Variants in TRIM2 observed in about 807,000 individuals in gnomAD.
TRIM2 encodes tripartite motif containing 2, also known as tripartite motif-containing protein 2.
Under a neutral mutation model 75.2 loss-of-function variants are expected in TRIM2, and 20 were observed. The observed-to-expected ratio is 0.27, with a 90% CI of 0.19 to 0.39. The LOEUF (loss-of-function observed/expected upper bound fraction) is 0.39, where lower values mean the gene tolerates loss of function less well. Among genes scored for constraint, TRIM2 ranks in the 10% least tolerant of loss-of-function variants. The probability of loss-of-function intolerance (pLI) is 1.00; values close to 1 mark genes in which losing one functional copy is unlikely to be tolerated. For synonymous variants in TRIM2, 373 were observed against 388.3 expected, an observed-to-expected ratio of 0.96 and a Z score of 0.46; for missense variants, 660 against 990.8, an observed-to-expected ratio of 0.67 and a Z score of 4.48.
chr4:153,208,305 T>G (rs191854064), intron 1 of TRIM2, among the ~76,000 whole-genome samples: 47 of 152,104 alleles, frequency 3.1e-4, no homozygotes, highest in African/African-American at 1.1e-3. Flanking sequence ...GAAAGTACAC[T>G]TTTTATTTTC....
rs1315337522 is a variant in TRIM2, at chr4:153,244,358, T to C, written c.31-25977T>C. On this transcript the variant is annotated intron_variant, in intron 1 of 11. Coordinates refer to ENST00000338700, the MANE Select transcript of TRIM2 (RefSeq NM_015271.5). ...CTTCTTCTTCTTCTTCTTCTTCCTCTTCTTCTTCTTCTTCTTCTTCTTCTT... is the reference window on the plus strand; with the variant it reads ...CTTCTTCTTCTTCTTCTTCTTCCTCCTCTTCTTCTTCTTCTTCTTCTTCTT... Among the ~76,000 whole-genome samples, 174 of 22,170 alleles carry C rather than the reference T, an allele frequency of 7.8e-3. 2 individuals carry two copies. The highest frequency in any genetic ancestry group is 0.016 in the South Asian group (7 of 432). The allele number at this position is 22,170 out of a possible 152,430, so 14.5% of individuals were successfully genotyped here.
At chr4:153,274,773 G>A (rs773540179) in intron 2 of TRIM2, among the ~76,000 whole-genome samples, 7 of 152,168 alleles carry the variant, frequency 4.6e-5, no homozygotes, top group Admixed American at 6.5e-5. Context: ...AAGGTGAGCA[G>A]AGCAATAATC....
chr4:153,292,642 G>A (rs1302272015), intron 3 of TRIM2, among the ~76,000 whole-genome samples: 3 of 152,094 alleles, frequency 2.0e-5, no homozygotes, highest in Non-Finnish European at 4.4e-5. Flanking sequence ...CCACATACAC[G>A]AAAGCTCTTT....
chr4:153,297,942 C>T (rs751438070), intron 6 of TRIM2, among the ~76,000 whole-genome samples: 1 of 152,148 alleles, frequency 6.6e-6, no homozygotes. Flanking sequence ...TAAGATTTTA[C>T]TCTTGTTATT....
chr4:153,178,980 G>A (rs1253462524), intron 1 of TRIM2, among the ~76,000 whole-genome samples: 3 of 152,100 alleles, frequency 2.0e-5, no homozygotes, highest in Admixed American at 2.0e-4. Context: ...GAGCTCAGGA[G>A]TTTGAGACTA....
chr4:153,233,144 A>G (rs1744111964), intron 1 of TRIM2, among the ~76,000 whole-genome samples: 1 of 152,230 alleles, frequency 6.6e-6, no homozygotes, highest in South Asian at 2.1e-4. Context: ...TGCTAAGAAT[A>G]AGGATAAGAA....
intron 3 of TRIM2, among the ~76,000 whole-genome samples, chr4:153,281,250 G>A (rs983700727): frequency 3.3e-5 from 5 of 152,138 alleles, no homozygotes; most frequent in East Asian, 1.9e-4. Context: ...TCTTCAGAAA[G>A]TTTACGTCAA....
chr4:153,255,562 G>C (rs1041693905), intron 1 of TRIM2, among the ~76,000 whole-genome samples: 1 of 152,148 alleles, frequency 6.6e-6, no homozygotes, highest in Non-Finnish European at 1.5e-5. Flanking sequence ...ACTCAGTGGG[G>C]GTAGCCTGCT....
chr4:153,272,611 TGAGTA>T lies in TRIM2; in HGVS notation c.215+2094_215+2098del, dbSNP rs200226685. 5.1e-3 allele frequency among the ~76,000 whole-genome samples: 772 copies of T among 152,158 alleles called. 4 individuals are homozygous for T. The highest frequency in any genetic ancestry group is 0.018 in the African/African-American group (729 of 41,512). ...CAGAGATCTTCCCACCTCAACTTCT[TGAGTA>T]GTTGGGACCACAGGTGCACACCACC... On this transcript the variant is annotated intron_variant, in intron 2 of 11. Transcript: ENST00000338700.
At chr4:153,287,253 T>C (rs1760853485) in intron 3 of TRIM2, among the ~76,000 whole-genome samples, 1 of 152,232 alleles carries the variant, frequency 6.6e-6, no homozygotes, top group South Asian at 2.1e-4. Flanking sequence ...GTACTGGGAT[T>C]ACAGGCATGA....
intron 1 of TRIM2, among the ~76,000 whole-genome samples, chr4:153,176,734 C>G (rs2149626073): frequency 6.6e-6 from 1 of 152,250 alleles, no homozygotes; most frequent in East Asian, 1.9e-4. Flanking sequence ...CCTCAGCCTC[C>G]CAAGTAGCTG....
chr4:153,223,699 A>T (rs905729509), intron 1 of TRIM2, among the ~76,000 whole-genome samples: 1 of 152,156 alleles, frequency 6.6e-6, no homozygotes, highest in Non-Finnish European at 1.5e-5. Context: ...GTGAACCCCA[A>T]ATTCGTTCCG....
chr4:153,208,814 A>T (rs924180235), intron 1 of TRIM2, among the ~76,000 whole-genome samples: 2 of 152,130 alleles, frequency 1.3e-5, no homozygotes, highest in Non-Finnish European at 2.9e-5. Context: ...AGGTTTCTAG[A>T]TGATGCTCCA....
In TRIM2 at chr4:153,220,963, G is replaced by C. The variant is rs535273520; in HGVS notation, c.30+16403G>C. ...TCAAAATGTTAAACATAGAATTAGC[G>C]TATGACCCAGTGATTTCACTCCTAG... On this transcript the variant is annotated intron_variant, in intron 1 of 11. Transcript: ENST00000338700. 7.2e-5 allele frequency among the ~76,000 whole-genome samples: 11 copies of C among 152,124 alleles called. No individual in the cohort carries two copies. In the East Asian group the frequency reaches 1.9e-3, roughly 27 times the overall value.
At chr4:153,180,800 C>T (rs957993591) in intron 1 of TRIM2, among the ~76,000 whole-genome samples, 3 of 152,200 alleles carry the variant, frequency 2.0e-5, no homozygotes, top group Non-Finnish European at 2.9e-5. Context: ...TTTTAAGAGT[C>T]CCTTGGGAAA....
chr4:153,176,197 T>TA (rs1731417890), intron 1 of TRIM2, among the ~76,000 whole-genome samples: 1 of 152,168 alleles, frequency 6.6e-6, no homozygotes, highest in Non-Finnish European at 1.5e-5. Context: ...CTTCCACCTA[T>TA]AATTTTGGCA....
Position 153,198,212 on chromosome 4 carries a change from C to G in TRIM2, c.-49+44942C>G, listed in dbSNP as rs1436113844. On this transcript the variant is annotated intron_variant, in intron 1 of 11. Transcript: ENST00000437508. ...CAGAATCATCTGAGACTTAGGAGGT[C>G]TGAGCATTTGATATGGTTTGGCTGT... is the stretch of plus-strand genomic sequence containing the variant. Among the ~76,000 whole-genome samples, 3 of 152,158 alleles carry G rather than the reference C, an allele frequency of 2.0e-5. No individual in the cohort carries two copies. In the East Asian group the frequency reaches 5.8e-4, roughly 29 times the overall value.
intron 1 of TRIM2, among the ~76,000 whole-genome samples, chr4:153,241,959 G>A (rs1746737338): frequency 6.6e-6 from 1 of 152,138 alleles, no homozygotes; most frequent in African/African-American, 2.4e-5. Flanking sequence ...TGAAGATTGG[G>A]TTTTCCCATT....
Position 153,194,389 on chromosome 4 carries a change from A to C in TRIM2, c.-49+41119A>C, listed in dbSNP as rs1579443105. Among the ~76,000 whole-genome samples, 6 of 152,368 alleles carry C rather than the reference A, an allele frequency of 3.9e-5. No homozygotes were observed. In the South Asian group the frequency reaches 1.2e-3, roughly 32 times the overall value. On this transcript the variant is annotated intron_variant, in intron 1 of 11. Transcript: ENST00000437508. ...TCTTTCATTCCACTTAATCAAAATG[A>C]AATCATTTTCATTCCACTTAATCAT...
Sources: gnomAD v4.1 joint callset for allele counts (sites outside exome capture counted in the v4.1 genomes callset) on GRCh38, gnomAD v4.1.1 for gene constraint, MANE v1.5 for transcripts, NCBI Gene and HGNC (gene_info 2026-07-23, HGNC 2026-07-21) for gene names.